ZNF280C: variants seen among roughly 807,000 people sequenced by gnomAD.
The protein encoded by ZNF280C is zinc finger protein 280C, also known as suppressor of hairy wing homolog 3.
A neutral mutation model predicts 53.6 loss-of-function variants in ZNF280C; 14 were observed. The ratio of observed to expected loss-of-function variants is 0.26; its 90% CI spans 0.17 to 0.41. The LOEUF (loss-of-function observed/expected upper bound fraction) is 0.41. ZNF280C is among the 10% of genes least tolerant of loss of function. The pLI, the probability that ZNF280C is intolerant of heterozygous loss-of-function variation, is 1.00. For synonymous variants in ZNF280C, 203 were observed against 181.1 expected (o/e 1.12, Z -0.97); for missense variants, 416 against 547.1 (o/e 0.76, Z 2.39).
Position 130,255,141 on chromosome X carries a change from CT to C in ZNF280C, c.31+5277del, listed in dbSNP as rs754125713. ...TAGAAAAATCATTTTCTTTTTTTTTCTTTTTTTTTTTTTTTTTGAGACGGAG... is the reference window on the plus strand; with the variant it reads ...TAGAAAAATCATTTTCTTTTTTTTTCTTTTTTTTTTTTTTTTGAGACGGAG... On this transcript the variant is annotated intron_variant, in intron 2 of 18. Coordinates refer to ENST00000370978, the MANE Select transcript of ZNF280C (RefSeq NM_017666.5). 6.3e-3 allele frequency among the ~76,000 whole-genome samples: 572 copies of C among 91,125 alleles called. 3 individuals carry two copies. The highest frequency in any genetic ancestry group is 0.019 in the African/African-American group (479 of 24,759). The allele number at this position is 91,125 out of a possible 115,157, so 79.1% of individuals were successfully genotyped here.
In ZNF280C at chrX:130,255,486, G is replaced by GA. The variant is rs767206704; in HGVS notation, c.31+4932dup. 4.6e-3 allele frequency among the ~76,000 whole-genome samples: 321 copies of GA among 69,938 alleles called. 1 individual carries two copies. The highest frequency in any genetic ancestry group is 0.039 in the East Asian group (95 of 2,409). 60.7% of individuals were successfully genotyped at this position (69,938 alleles called of 115,157 possible). A position where few individuals can be genotyped will look rare whatever the true frequency, so the allele number is the denominator to read the frequency against. Reference sequence around the variant, plus strand: ...TAAAATGCACCTAACAAAAGCTCCAGAAAAAAAAAAAAGAGAGAGAAAAAG... The same window carrying GA: ...TAAAATGCACCTAACAAAAGCTCCAGAAAAAAAAAAAAAGAGAGAGAAAAAG... On this transcript the variant is annotated intron_variant, in intron 2 of 18. Transcript: ENST00000370978.
chrX:130,205,089 A>C, intron 18 of ZNF280C, 28 bp downstream of exon 18: 1 of 1,184,028 alleles, frequency 8.4e-7, no homozygotes, highest in Non-Finnish European at 1.1e-6. Context: ...CATCAAAGCA[A>C]AATGCACTGA....
chrX:130,215,574 C>A (rs892901744), intron 14 of ZNF280C, among the ~76,000 whole-genome samples: 4 of 111,718 alleles, frequency 3.6e-5, no homozygotes, highest in Non-Finnish European at 7.5e-5. Context: ...AAGATAAAAG[C>A]ACAAAATATA....
At chrX:130,212,721 G>A in intron 15 of ZNF280C, among the ~76,000 whole-genome samples, 1 of 110,716 alleles carries the variant, frequency 9.0e-6, no homozygotes, top group Non-Finnish European at 1.9e-5. Context: ...GGAGGAACAA[G>A]AAAGCATGCA....
intron 2 of ZNF280C, among the ~76,000 whole-genome samples, chrX:130,258,654 A>G (rs1266778644): frequency 8.9e-6 from 1 of 112,484 alleles, no homozygotes; most frequent in Non-Finnish European, 1.9e-5. Context: ...TCAGACAATT[A>G]AAAGTATTAA....
At position 130,216,003 on chromosome X, in the gene ZNF280C, C is replaced by T. The variant is rs373006971; in HGVS notation, c.1626G>A (p.Pro542=). 93 of 1,209,212 alleles carry T rather than the reference C, an allele frequency of 7.7e-5. No homozygotes were observed. Among genetic ancestry groups the T allele is most frequent in the East Asian group, 8.9e-5 (3 of 33,771 alleles). Residue 542 remains proline (P), a synonymous_variant, in exon 14 of 19, where the codon CCG becomes CCA. Coordinates refer to ENST00000370978, the MANE Select transcript of ZNF280C (RefSeq NM_017666.5). The part of the protein sequence containing the change: ...PGTSFLQVTP[P]TSQNTTARNP... Reference sequence around the variant, plus strand: ...TTCTAGCAGTTGTATTTTGAGATGTCGGAGGTGTGACCTGAAGAAAAGAAG... The same window carrying T: ...TTCTAGCAGTTGTATTTTGAGATGTTGGAGGTGTGACCTGAAGAAAAGAAG...
chrX:130,236,492 G>A lies in ZNF280C; in HGVS notation c.641C>T (p.Ser214Phe). The A allele has an allele frequency of 8.3e-7, 1 of 1,201,247 alleles. No homozygotes were observed. The highest frequency in any genetic ancestry group is 1.1e-6 in the Non-Finnish European group (1 of 891,239). The change falls in exon 7 of 19, where the codon TCC becomes TTC. Residue 214 changes from serine to phenylalanine, a missense_variant. Physicochemically the swap from Ser to Phe is radical, Grantham distance 155. Transcript: ENST00000370978. ...LPLIGSPPVT[S>F]SQVMLSKGTN... ...ACCTTTTGACAGCATAACTTGGGAG[G>A]ATGTCACTGGAGGAGAGCCAATTAA...
intron 15 of ZNF280C, among the ~76,000 whole-genome samples, chrX:130,210,714 G>A (rs2032031426): frequency 8.9e-6 from 1 of 112,653 alleles, no homozygotes; most frequent in South Asian, 3.6e-4. Context: ...ACACAGATCA[G>A]AAAACCACTA....
intron 16 of ZNF280C, among the ~76,000 whole-genome samples, chrX:130,206,793 T>G (rs773436119): frequency 3.4e-4 from 38 of 112,265 alleles, no homozygotes; most frequent in Non-Finnish European, 6.9e-4. Context: ...GTCTCTTTTA[T>G]GATGCCATTT....
rs1052335897 is a variant in ZNF280C at position 130,205,316 on chromosome X, G to C, written c.2142C>G (p.Cys714Trp). The change falls in exon 17 of 19, where the codon TGC (cysteine) becomes TGG (tryptophan). Residue 714 changes from cysteine to tryptophan, a missense_variant. By Grantham distance (215) the Cys-to-Trp change is radical. Coordinates refer to ENST00000370978, the MANE Select transcript of ZNF280C (RefSeq NM_017666.5). ...ACGTACCATTCTCTATTATAACTTG[G>C]CAAGTATGAGTTTTACGTTGACTTA... The part of the protein sequence containing the change: ...KHLSQRKTHT[C>W]QVIIENVSKS... The C allele has an allele frequency of 8.4e-7, 1 of 1,196,842 alleles. No individual in the cohort carries two copies. The highest frequency in any genetic ancestry group is 1.1e-6 in the Non-Finnish European group (1 of 886,287).
chrX:130,250,002 T>C (rs967594977), intron 2 of ZNF280C, among the ~76,000 whole-genome samples: 1 of 111,138 alleles, frequency 9.0e-6, no homozygotes, highest in African/African-American at 3.3e-5. Flanking sequence ...ATACAAGAAT[T>C]TCAAAATGCA....
chrX:130,260,579 A>AG (rs2032621141), intron 1 of ZNF280C, 114 bp from the exon 2 acceptor site: 1 of 453,415 alleles, frequency 2.2e-6, no homozygotes, highest in Admixed American at 3.8e-5. Flanking sequence ...GATCTCCAGC[A>AG]CACTCACCAT....
In ZNF280C at chrX:130,226,284, G is replaced by C. The variant is rs959862866; in HGVS notation, c.1395+475C>G. ...ATGTCTCATAATAAAAAGTGGGCTA[G>C]AAAGTAGAAATAAGATTTCAAGAGA... On this transcript the variant is annotated intron_variant, in intron 12 of 18. Coordinates refer to ENST00000370978, the MANE Select transcript of ZNF280C (RefSeq NM_017666.5). Among the ~76,000 whole-genome samples the C allele has an allele frequency of 3.6e-5, 4 of 112,090 alleles. No individual in the cohort carries two copies. In the East Asian group the frequency reaches 1.1e-3, roughly 31 times the overall value.
chrX:130,236,054 C>A, intron 8 of ZNF280C, among the ~76,000 whole-genome samples, 160 bp downstream of exon 8: 1 of 112,219 alleles, frequency 8.9e-6, no homozygotes, highest in Non-Finnish European at 1.9e-5. Context: ...CTTATATAAT[C>A]ATTGTGAATA....
intron 12 of ZNF280C, among the ~76,000 whole-genome samples, chrX:130,225,228 G>T (rs963926534): frequency 9.9e-5 from 11 of 110,765 alleles, no homozygotes; most frequent in African/African-American, 3.3e-4. Flanking sequence ...ACAGGGGAAA[G>T]AATTATGTTA....
chrX:130,239,823 C>T (rs1277845601), intron 5 of ZNF280C, 130 bp from the exon 6 acceptor site: 2 of 372,036 alleles, frequency 5.4e-6, no homozygotes, highest in Non-Finnish European at 9.3e-6. Context: ...AATTATTAGT[C>T]TCTGCCAAAA....
At chrX:130,264,907 G>A (rs531033290) in intron 1 of ZNF280C, among the ~76,000 whole-genome samples, 3 of 111,515 alleles carry the variant, frequency 2.7e-5, no homozygotes, top group South Asian at 7.4e-4. Context: ...GGTATAGTAC[G>A]CAAATCCAAG....
At chrX:130,224,887 G>C (rs2032204339) in intron 12 of ZNF280C, among the ~76,000 whole-genome samples, 1 of 111,652 alleles carries the variant, frequency 9.0e-6, no homozygotes, top group African/African-American at 3.3e-5. Flanking sequence ...ATGGCTCAAG[G>C]TTCCAGGCAT....
At chrX:130,205,269 T>A in intron 17 of ZNF280C, 28 bp downstream of exon 17, 1 of 1,149,724 alleles carries the variant, frequency 8.7e-7, no homozygotes, top group Non-Finnish European at 1.2e-6. Flanking sequence ...TATCAGAAAA[T>A]CAAAGAAACA....
Sources: allele counts gnomAD v4.1 joint callset (sites outside exome capture counted in the v4.1 genomes callset), GRCh38; gene constraint gnomAD v4.1.1; transcripts MANE v1.5; gene names NCBI Gene and HGNC (gene_info 2026-07-23, HGNC 2026-07-21).